Variants in SDHAF3 observed in about 807,000 individuals in gnomAD.
SDHAF3 encodes succinate dehydrogenase assembly factor 3, mitochondrial.
Under a neutral mutation model 11.5 loss-of-function variants are expected in SDHAF3, and 18 were observed. The observed-to-expected ratio is 1.56, with a 90% CI of 1.08 to 2.32. The LOEUF (loss-of-function observed/expected upper bound fraction) is 2.32. Ranked by LOEUF, SDHAF3 falls within the 30% of genes most tolerant of loss-of-function variation. The probability of loss-of-function intolerance (pLI) is 0.00; values close to 1 mark genes in which losing one functional copy is unlikely to be tolerated. For synonymous variants in SDHAF3, 72 were observed against 59.3 expected, an observed-to-expected ratio of 1.21 and a Z score of -0.99; for missense variants, 200 against 154.4, an observed-to-expected ratio of 1.30 and a Z score of -1.57.
At chr7:97,164,015 G>T (rs1026559716) in intron 1 of SDHAF3, among the ~76,000 whole-genome samples, 2 of 150,598 alleles carry the variant, frequency 1.3e-5, no homozygotes, top group Admixed American at 1.3e-4. Flanking sequence ...TGGCGCGATC[G>T]CAGGTCACTG....
intron 1 of SDHAF3, among the ~76,000 whole-genome samples, chr7:97,149,071 A>AG (rs1789178619): frequency 6.6e-6 from 1 of 151,962 alleles, no homozygotes; most frequent in Non-Finnish European, 1.5e-5. Context: ...CTGGGACTAC[A>AG]GGCGTGCACC....
chr7:97,143,501 T>C lies in SDHAF3; in HGVS notation c.174+25604T>C, dbSNP rs137863128. On this transcript the variant is annotated intron_variant, in intron 1 of 1. Coordinates refer to ENST00000432641, the MANE Select transcript of SDHAF3 (RefSeq NM_020186.3). ...CCCAAAGTCCATTGTATCATTCTTA[T>C]AGCCTTTGCATCCTCACAGCTTAGC... Among the ~76,000 whole-genome samples, 96 of 152,292 alleles carry C rather than the reference T, an allele frequency of 6.3e-4. 1 individual carries two copies. In the East Asian group the frequency reaches 0.016, roughly 26 times the overall value.
chr7:97,129,674 T>G (rs1791636202), intron 1 of SDHAF3, among the ~76,000 whole-genome samples: 1 of 152,160 alleles, frequency 6.6e-6, no homozygotes, highest in African/African-American at 2.4e-5. Flanking sequence ...TCAGTGCCGC[T>G]TTGCCAGCCA....
At chr7:97,121,866 TTTG>T (rs1791503962) in intron 1 of SDHAF3, among the ~76,000 whole-genome samples, 1 of 136,882 alleles carries the variant, frequency 7.3e-6, no homozygotes, top group South Asian at 2.2e-4. Flanking sequence ...TTTTTTTTTT[TTTG>T]TTTTTGAGAT....
intron 1 of SDHAF3, among the ~76,000 whole-genome samples, chr7:97,131,419 T>C (rs1364704011): frequency 1.3e-5 from 2 of 152,208 alleles, no homozygotes; most frequent in African/African-American, 4.8e-5. Context: ...ATTTGAAAGA[T>C]TGTTTTCAGT....
chr7:97,156,134 A>G (rs1211248943), intron 1 of SDHAF3, among the ~76,000 whole-genome samples: 4 of 152,196 alleles, frequency 2.6e-5, no homozygotes, highest in Non-Finnish European at 5.9e-5. Flanking sequence ...GATTCCACCC[A>G]GGAGATCACA....
chr7:97,138,106 CG>C (rs1364788164), intron 1 of SDHAF3, among the ~76,000 whole-genome samples: 1 of 151,424 alleles, frequency 6.6e-6, no homozygotes, highest in Admixed American at 6.6e-5. Flanking sequence ...GTGATCCACC[CG>C]CCTTGGCCTC....
chr7:97,121,866 T>TG (rs1482398536), intron 1 of SDHAF3, among the ~76,000 whole-genome samples: 2 of 136,882 alleles, frequency 1.5e-5, no homozygotes, highest in African/African-American at 6.5e-5. Context: ...TTTTTTTTTT[T>TG]TTGTTTTTGA....
intron 1 of SDHAF3, among the ~76,000 whole-genome samples, chr7:97,161,476 C>A (rs1789408418): frequency 6.6e-6 from 1 of 152,106 alleles, no homozygotes; most frequent in Non-Finnish European, 1.5e-5. Context: ...GGTACATGTG[C>A]AGAATGTGCA....
chr7:97,169,823 C>T (rs902067805), intron 1 of SDHAF3, among the ~76,000 whole-genome samples: 4 of 151,986 alleles, frequency 2.6e-5, no homozygotes, highest in African/African-American at 9.7e-5. Flanking sequence ...ATTTTCTTAA[C>T]TATTACAATT....
intron 1 of SDHAF3, among the ~76,000 whole-genome samples, chr7:97,153,538 AT>A (rs1421150376): frequency 2.6e-5 from 4 of 152,156 alleles, no homozygotes; most frequent in African/African-American, 9.7e-5. Context: ...AGTGTACATA[AT>A]TTTTCAACTT....
intron 1 of SDHAF3, among the ~76,000 whole-genome samples, chr7:97,167,200 G>A (rs1390679732): frequency 6.6e-6 from 1 of 152,068 alleles, no homozygotes; most frequent in East Asian, 1.9e-4. Flanking sequence ...GGATTATGGG[G>A]CAGATTTCCC....
chr7:97,128,919 G>A (rs1791621109), intron 1 of SDHAF3, among the ~76,000 whole-genome samples: 1 of 151,914 alleles, frequency 6.6e-6, no homozygotes, highest in Non-Finnish European at 1.5e-5. Flanking sequence ...TGCCCAGTCT[G>A]CTCTCGAACT....
intron 1 of SDHAF3, among the ~76,000 whole-genome samples, chr7:97,172,062 A>G (rs1789608180): frequency 6.6e-6 from 1 of 152,084 alleles, no homozygotes; most frequent in African/African-American, 2.4e-5. Context: ...ATTATAAAAT[A>G]TCAAAACAGT....
rs1371956874 is a variant in SDHAF3 at position 97,170,068 on chromosome 7, A to AAGTG, written c.175-10940_175-10937dup. On this transcript the variant is annotated intron_variant, in intron 1 of 1. Coordinates refer to ENST00000432641, the MANE Select transcript of SDHAF3 (RefSeq NM_020186.3). ...CCCATCCTCACCTCCATTGAGGTAT[A>AAGTG]AGTGAGTAAGGTAAGGAGTTGGCTA... Among the ~76,000 whole-genome samples, 3 of 151,884 alleles carry AAGTG rather than the reference A, an allele frequency of 2.0e-5. No individual in the cohort carries two copies. The East Asian group carries it at 5.8e-4, about 29-fold the overall frequency.
intron 1 of SDHAF3, among the ~76,000 whole-genome samples, chr7:97,123,803 G>A (rs1031198617): frequency 9.1e-6 from 1 of 110,332 alleles, no homozygotes; most frequent in Non-Finnish European, 2.0e-5. Flanking sequence ...TTTTTTTTTT[G>A]AGAAGGGTGT....
At chr7:97,141,778 T>A (rs1789047906) in intron 1 of SDHAF3, among the ~76,000 whole-genome samples, 2 of 151,996 alleles carry the variant, frequency 1.3e-5, no homozygotes, top group Admixed American at 1.3e-4. Context: ...ACAGTCTCTT[T>A]TGGTACTTAA....
At chr7:97,174,644 G>A (rs940467860) in intron 1 of SDHAF3, among the ~76,000 whole-genome samples, 3 of 152,136 alleles carry the variant, frequency 2.0e-5, no homozygotes. Context: ...ATTTAATAGA[G>A]TGTCCCTTAA....
intron 1 of SDHAF3, among the ~76,000 whole-genome samples, chr7:97,156,709 T>A (rs1305565702): frequency 6.6e-6 from 1 of 152,170 alleles, no homozygotes; most frequent in African/African-American, 2.4e-5. Context: ...GCCTGTATTC[T>A]ACATGTCCTA....
Sources: gnomAD v4.1 joint callset for allele counts (sites outside exome capture counted in the v4.1 genomes callset) on GRCh38, gnomAD v4.1.1 for gene constraint, MANE v1.5 for transcripts, NCBI Gene and HGNC (gene_info 2026-07-23, HGNC 2026-07-21) for gene names.